Variants in CDH18 observed in about 807,000 individuals in gnomAD.
CDH18 encodes the protein cadherin 18.
A neutral mutation model predicts 67.9 loss-of-function variants in CDH18; 31 were observed. The observed-to-expected ratio is 0.46, with a 90% CI of 0.34 to 0.62. The LOEUF is 0.62. Among genes scored for constraint, CDH18 ranks in the 20% least tolerant of loss-of-function variants. The pLI is 0.01. For missense variants in CDH18, 890 were observed against 975.5 expected (o/e 0.91, Z 1.17); for synonymous variants, 362 against 347.2 (o/e 1.04, Z -0.48).
intron 3 of CDH18, among the ~76,000 whole-genome samples, chr5:19,786,200 C>T (rs1775756925): frequency 6.6e-6 from 1 of 152,124 alleles, no homozygotes; most frequent in African/African-American, 2.4e-5. Flanking sequence ...ATAGTTCTCA[C>T]ATTTCTATTC....
upstream of CDH18, among the ~76,000 whole-genome samples, chr5:19,992,725 T>C (rs552021990): frequency 1.7e-4 from 25 of 151,488 alleles, no homozygotes; most frequent in South Asian, 3.1e-3. Context: ...GTCATTTCTT[T>C]CTATTCCGGA....
chr5:19,547,012 T>C (rs181697685), intron 8 of CDH18, among the ~76,000 whole-genome samples: 31 of 152,232 alleles, frequency 2.0e-4, no homozygotes, highest in Admixed American at 9.8e-4. Flanking sequence ...AAAAACCAGA[T>C]GCTACAGAAT....
chr5:19,534,317 C>A (rs532809423), intron 9 of CDH18, among the ~76,000 whole-genome samples: 10 of 152,098 alleles, frequency 6.6e-5, no homozygotes, highest in African/African-American at 2.2e-4. Flanking sequence ...CTGAAAGCAG[C>A]AACATTTTTA....
In CDH18 at chr5:19,883,746, T is replaced by C. The variant is rs2150063531; in HGVS notation, c.-256-44504A>G. ...TGTTTTTAAGGCAAAATGTTTATTC[T>C]ACTTGAATTTTTACTTTCAAATGCA... is the stretch of plus-strand genomic sequence containing the variant. On this transcript the variant is annotated intron_variant, in intron 2 of 12. Coordinates refer to ENST00000382275, the MANE Select transcript of CDH18 (RefSeq NM_004934.5). Among the ~76,000 whole-genome samples, 2 of 152,238 alleles carry C rather than the reference T, an allele frequency of 1.3e-5. 1 individual carries two copies. The highest frequency in any genetic ancestry group is 2.9e-5 in the Non-Finnish European group (2 of 67,988).
chr5:19,609,514 T>C (rs766380779), intron 6 of CDH18, among the ~76,000 whole-genome samples: 2 of 151,990 alleles, frequency 1.3e-5, no homozygotes, highest in Admixed American at 6.6e-5. Context: ...AGAGACATTG[T>C]AAAGCAAATT....
intron 5 of CDH18, among the ~76,000 whole-genome samples, chr5:19,679,824 C>G (rs1040771833): frequency 2.0e-5 from 3 of 151,958 alleles, no homozygotes; most frequent in African/African-American, 7.2e-5. Context: ...ATTCCATACT[C>G]ATGGATAGGA....
chr5:19,861,898 G>C (rs1784948202), intron 2 of CDH18, among the ~76,000 whole-genome samples: 1 of 152,156 alleles, frequency 6.6e-6, no homozygotes, highest in Non-Finnish European at 1.5e-5. Context: ...GAAATGATGA[G>C]TGAGTAGAAA....
intron 5 of CDH18, among the ~76,000 whole-genome samples, chr5:19,691,960 T>C (rs1761947578): frequency 6.6e-6 from 1 of 151,910 alleles, no homozygotes; most frequent in Non-Finnish European, 1.5e-5. Context: ...GGAGGCATTA[T>C]ATTACCTGAC....
intron 2 of CDH18, among the ~76,000 whole-genome samples, chr5:19,999,437 T>C (rs1030345176): frequency 1.3e-5 from 2 of 152,106 alleles, no homozygotes; most frequent in African/African-American, 4.8e-5. Context: ...ATTCTGTTTC[T>C]ACTAAAAATA....
chr5:20,444,904 C>T (rs529122442), intron 1 of CDH18, among the ~76,000 whole-genome samples: 2 of 151,570 alleles, frequency 1.3e-5, no homozygotes, highest in South Asian at 2.1e-4. Flanking sequence ...TCCACTTATT[C>T]GTTGACAAAT....
intron 2 of CDH18, among the ~76,000 whole-genome samples, chr5:20,180,585 T>C (rs953654728): frequency 2.0e-5 from 3 of 152,204 alleles, no homozygotes; most frequent in African/African-American, 7.2e-5. Flanking sequence ...ACAAATGTTA[T>C]GTTAAAGAAT....
intron 1 of CDH18, among the ~76,000 whole-genome samples, chr5:20,471,482 G>GT (rs989576758): frequency 6.6e-6 from 1 of 151,992 alleles, no homozygotes; most frequent in Admixed American, 6.6e-5. Context: ...CATTCACTGA[G>GT]TAAAAAGCAG....
Position 19,624,025 on chromosome 5 carries a change from G to A in CDH18, c.644-11424C>T, listed in dbSNP as rs867762423. 1.9e-4 allele frequency among the ~76,000 whole-genome samples: 18 copies of A among 95,236 alleles called. No homozygotes were observed. The East Asian group carries it at 3.6e-3, about 19-fold the overall frequency. 62.5% of individuals were successfully genotyped at this position (95,236 alleles called of 152,430 possible). On this transcript the variant is annotated intron_variant, in intron 5 of 12. Coordinates refer to ENST00000382275, the MANE Select transcript of CDH18 (RefSeq NM_004934.5). ...TATTATTATTATTATTATTATTATTGAGATGGAGTTTCACTCTTGTTCCCC... is the reference window on the plus strand; with the variant it reads ...TATTATTATTATTATTATTATTATTAAGATGGAGTTTCACTCTTGTTCCCC...
At chr5:20,238,327 C>G (rs1432785576) in intron 2 of CDH18, among the ~76,000 whole-genome samples, 1 of 151,930 alleles carries the variant, frequency 6.6e-6, no homozygotes, top group Non-Finnish European at 1.5e-5. Flanking sequence ...ATTTGCAAAC[C>G]ATTTTTCTTA....
intron 2 of CDH18, among the ~76,000 whole-genome samples, chr5:20,107,884 T>G (rs1414895481): frequency 6.6e-6 from 1 of 151,770 alleles, no homozygotes; most frequent in African/African-American, 2.4e-5. Context: ...CCTTTAGCAT[T>G]AGGTATATCC....
chr5:20,534,894 T>C (rs1008969424), intron 1 of CDH18, among the ~76,000 whole-genome samples: 7 of 151,870 alleles, frequency 4.6e-5, no homozygotes, highest in African/African-American at 1.7e-4. Flanking sequence ...CAGACCAGAG[T>C]GCAGCAGCAC....
intron 10 of CDH18, among the ~76,000 whole-genome samples, chr5:19,517,264 T>C (rs1321700148): frequency 6.6e-6 from 1 of 152,148 alleles, no homozygotes; most frequent in Admixed American, 6.6e-5. Context: ...GGTTGGCTCT[T>C]TCTATGTCCT....
At chr5:19,964,095 C>G (rs1797189806) in intron 2 of CDH18, among the ~76,000 whole-genome samples, 1 of 151,974 alleles carries the variant, frequency 6.6e-6, no homozygotes, top group Non-Finnish European at 1.5e-5. Flanking sequence ...TATCAAAAGA[C>G]AAAGGCAAAA....
intron 1 of CDH18, among the ~76,000 whole-genome samples, chr5:20,571,563 GC>G (rs1758821359): frequency 6.6e-6 from 1 of 152,038 alleles, no homozygotes; most frequent in Admixed American, 6.6e-5. Flanking sequence ...TATTGTATAT[GC>G]TTTGTATATT....
Sources: gnomAD v4.1 joint callset for allele counts (sites outside exome capture counted in the v4.1 genomes callset) on GRCh38, gnomAD v4.1.1 for gene constraint, MANE v1.5 for transcripts, NCBI Gene and HGNC (gene_info 2026-07-23, HGNC 2026-07-21) for gene names.